Variants in INSL6 observed in about 807,000 individuals in gnomAD.
INSL6 encodes the protein insulin-like peptide INSL6.
In INSL6, 16 loss-of-function variants were observed where a neutral mutation model predicts 9.4. The observed-to-expected ratio is 1.70, with a 90% CI of 1.15 to 2.59. The LOEUF (loss-of-function observed/expected upper bound fraction) is 2.59, where lower values mean the gene tolerates loss of function less well. Ranked by LOEUF, INSL6 falls within the 30% of genes most tolerant of loss-of-function variation. INSL6 has a pLI of 0.00. For missense variants in INSL6, 391 were observed against 257.3 expected, an observed-to-expected ratio of 1.52 and a Z score of -3.56; for synonymous variants, 154 against 96.9, an observed-to-expected ratio of 1.59 and a Z score of -3.46.
chr9:5,005,108 T>TAGG, the INSL6 span, among the ~76,000 whole-genome samples: 2 of 113,344 alleles, frequency 1.8e-5, no homozygotes, highest in Non-Finnish European at 3.7e-5. Context: ...TTTTTTTTTT[T>TAGG]TTTTTTTTTT....
At chr9:5,104,853 C>G in the INSL6 span, among the ~76,000 whole-genome samples, 9 of 152,196 alleles carry the variant, frequency 5.9e-5, no homozygotes, top group Non-Finnish European at 1.2e-4. Flanking sequence ...TGACAAAATT[C>G]TACAGCCCTT....
chr9:5,063,161 C>A, the INSL6 span, among the ~76,000 whole-genome samples: 6 of 152,022 alleles, frequency 3.9e-5, no homozygotes, highest in African/African-American at 9.7e-5. Context: ...AAATATTGTT[C>A]ATTGCTGGGC....
chr9:5,089,826 C>G, the INSL6 span: 2 of 1,588,562 alleles, frequency 1.3e-6, no homozygotes, highest in Non-Finnish European at 1.7e-6. Context: ...TACAGCATGA[C>G]AACATTGTAA....
chr9:5,064,776 C>A, the INSL6 span: 1 of 753,314 alleles, frequency 1.3e-6, no homozygotes, highest in Non-Finnish European at 2.1e-6. Flanking sequence ...AAGATATGAG[C>A]AATTTAGAAG....
chr9:5,174,741 T>A (rs1039315490), intron 1 of INSL6, among the ~76,000 whole-genome samples: 5 of 152,224 alleles, frequency 3.3e-5, no homozygotes. Flanking sequence ...CCTTACTTCC[T>A]ACTCAACAAG....
the INSL6 span, among the ~76,000 whole-genome samples, chr9:5,084,479 A>AGGGAT: frequency 6.6e-6 from 1 of 152,148 alleles, no homozygotes; most frequent in Non-Finnish European, 1.5e-5. Context: ...TATTCCAAAG[A>AGGGAT]GGGATATATA....
chr9:5,110,857 T>C, the INSL6 span: 18 of 483,924 alleles, frequency 3.7e-5, no homozygotes, highest in Non-Finnish European at 4.0e-6. Context: ...GGACGCTTCA[T>C]GCCGCCGCGC....
intron 1 of INSL6, among the ~76,000 whole-genome samples, chr9:5,183,674 C>T (rs970370394): frequency 3.3e-5 from 5 of 151,752 alleles, no homozygotes; most frequent in African/African-American, 1.2e-4. Context: ...AGTGAAAGCA[C>T]AGTATTTGAT....
the INSL6 span, among the ~76,000 whole-genome samples, chr9:5,056,484 TC>T: frequency 6.6e-6 from 1 of 152,250 alleles, no homozygotes; most frequent in South Asian, 2.1e-4. Context: ...GTCTGGCTGT[TC>T]CAGGGTTATA....
chr9:5,062,818 G>A, the INSL6 span, among the ~76,000 whole-genome samples: 1 of 152,100 alleles, frequency 6.6e-6, no homozygotes, highest in Non-Finnish European at 1.5e-5. Flanking sequence ...ATTAGAACCT[G>A]AGATTGAGCA....
chr9:5,099,607 G>A, the INSL6 span: 1 of 152,024 alleles, frequency 6.6e-6, no homozygotes, highest in Non-Finnish European at 1.5e-5. Flanking sequence ...ACAATTCTAG[G>A]CCTACCAGCA....
At chr9:5,159,161 G>C (rs1379579119), downstream of INSL6, among the ~76,000 whole-genome samples, 1 of 151,842 alleles carries the variant, frequency 6.6e-6, no homozygotes, top group African/African-American at 2.4e-5. Flanking sequence ...AAATCAAAAA[G>C]CAAGAAATAA....
At chr9:5,072,572 T>C in the INSL6 span, 10 of 1,611,178 alleles carry the variant, frequency 6.2e-6, no homozygotes, top group Non-Finnish European at 8.5e-6. Context: ...GTCAACTGCA[T>C]GAAACAGAAG....
the INSL6 span, among the ~76,000 whole-genome samples, chr9:5,058,384 C>A: frequency 6.6e-6 from 1 of 152,090 alleles, no homozygotes; most frequent in Non-Finnish European, 1.5e-5. Flanking sequence ...GAGACAGTGT[C>A]CAGGGGAAAG....
At chr9:5,123,126 G>C, downstream of INSL6, 1 of 1,547,570 alleles carries the variant, frequency 6.5e-7, no homozygotes, top group South Asian at 1.2e-5. Context: ...CCAGCGGTCA[G>C]TGTGCTTTTT....
the INSL6 span, among the ~76,000 whole-genome samples, chr9:4,994,666 G>A: frequency 6.6e-6 from 1 of 152,150 alleles, no homozygotes; most frequent in Non-Finnish European, 1.5e-5. Context: ...GTGGCTCATG[G>A]CTGTGTTCTC....
chr9:5,033,391 G>A, the INSL6 span, among the ~76,000 whole-genome samples: 2,070 of 152,122 alleles, frequency 0.014, 60 homozygotes, highest in African/African-American at 0.048. Context: ...TAGAGAGAAC[G>A]CCACAAAGAT....
At chr9:5,081,767 G>A in the INSL6 span, 32 of 1,602,442 alleles carry the variant, frequency 2.0e-5, no homozygotes, top group Non-Finnish European at 2.5e-5. Flanking sequence ...CCAAATATGA[G>A]GATAGGTGCC....
At chr9:5,026,846 T>C in the INSL6 span, among the ~76,000 whole-genome samples, 329 of 152,362 alleles carry the variant, frequency 2.2e-3, 2 homozygotes, top group African/African-American at 7.3e-3. Context: ...ATGTACCTTC[T>C]AAAATATCTT....
Sources: allele counts gnomAD v4.1 joint callset (sites outside exome capture counted in the v4.1 genomes callset), GRCh38; gene constraint gnomAD v4.1.1; transcripts MANE v1.5; gene names NCBI Gene and HGNC (gene_info 2026-07-23, HGNC 2026-07-21).